Variants in FAM222B observed in about 807,000 individuals in gnomAD.
The protein encoded by FAM222B is protein FAM222B.
A neutral mutation model predicts 38.0 loss-of-function variants in FAM222B; 12 were observed. That is an observed-to-expected ratio of 0.32 (90% CI 0.20 to 0.51). The LOEUF is 0.51. FAM222B is among the 20% of genes least tolerant of loss of function. The pLI is 0.97. For synonymous variants in FAM222B, 329 were observed against 317.2 expected (o/e 1.04, Z -0.40); for missense variants, 716 against 754.2 (o/e 0.95, Z 0.59).
In FAM222B at chr17:28,758,189, T is replaced by C. The variant is rs1008155343; in HGVS notation, c.*81A>G. The C allele has an allele frequency of 5.7e-6, 7 of 1,229,640 alleles. No homozygotes were observed. In the South Asian group the frequency reaches 9.0e-5, roughly 16 times the overall value. 76.2% of individuals were successfully genotyped at this position (1,229,640 alleles called of 1,614,324 possible). On this transcript the variant is annotated 3_prime_UTR_variant, in exon 3 of 3. Transcript: ENST00000581407. ...ATGATCACACTGGAGCAGTGAAACT[T>C]TGAAACTATCCAGTTACTTAAAAGA... is the stretch of plus-strand genomic sequence containing the variant.
chr17:28,789,250 G>A (rs1395283416), intron 1 of FAM222B, among the ~76,000 whole-genome samples: 1 of 149,170 alleles, frequency 6.7e-6, no homozygotes, highest in Admixed American at 6.7e-5. Context: ...AGGCTGGAGT[G>A]TGCAGTGGCG....
rs184006345 is a variant in FAM222B, at chr17:28,806,009, G to C, written c.-41+36673C>G. Among the ~76,000 whole-genome samples the C allele has an allele frequency of 1.5e-3, 225 of 152,166 alleles. 1 individual carries two copies. Among genetic ancestry groups the C allele is most frequent in the Middle Eastern group, 6.8e-3 (2 of 294 alleles). ...ATACAAAATTAGCTGGGCACATGGT[G>C]CATGTGGTGGCACATTCCTATAATC... On this transcript the variant is annotated intron_variant, in intron 1 of 2. Transcript: ENST00000581407.
At chr17:28,764,608 C>T (rs947696789) in intron 2 of FAM222B, among the ~76,000 whole-genome samples, 1 of 151,478 alleles carries the variant, frequency 6.6e-6, no homozygotes, top group African/African-American at 2.4e-5. Context: ...ATTAGCTGGG[C>T]GTGGTGGTGC....
chr17:28,848,436 GA>G (rs1299501097), intron 1 of FAM222B, among the ~76,000 whole-genome samples: 4 of 151,986 alleles, frequency 2.6e-5, no homozygotes, highest in African/African-American at 9.7e-5. Context: ...ATTGGCAGGG[GA>G]AAAATCCACT....
intron 1 of FAM222B, among the ~76,000 whole-genome samples, chr17:28,791,803 G>A (rs2036702250): frequency 6.6e-6 from 1 of 151,042 alleles, no homozygotes; most frequent in Non-Finnish European, 1.5e-5. Flanking sequence ...GGGATTACAG[G>A]CACGTGTCAC....
intron 1 of FAM222B, among the ~76,000 whole-genome samples, chr17:28,819,686 A>G (rs2038146133): frequency 6.6e-6 from 1 of 152,228 alleles, no homozygotes; most frequent in Non-Finnish European, 1.5e-5. Context: ...TGAATATAAA[A>G]TGAACCTTTG....
At chr17:28,782,543 T>C (rs1410613801) in intron 1 of FAM222B, among the ~76,000 whole-genome samples, 1 of 152,212 alleles carries the variant, frequency 6.6e-6, no homozygotes, top group Non-Finnish European at 1.5e-5. Flanking sequence ...CCTCCTAATA[T>C]GTTAATATTG....
intron 1 of FAM222B, among the ~76,000 whole-genome samples, chr17:28,783,756 C>G (rs1202194023): frequency 6.6e-6 from 1 of 151,914 alleles, no homozygotes; most frequent in East Asian, 1.9e-4. Flanking sequence ...AATGATCCAC[C>G]TGCCTCGGCC....
chr17:28,763,480 G>A (rs1200939671), intron 2 of FAM222B, among the ~76,000 whole-genome samples: 1 of 152,212 alleles, frequency 6.6e-6, no homozygotes, highest in East Asian at 1.9e-4. Context: ...ATTCCAGGAT[G>A]GACTGGAGGC....
At chr17:28,788,541 A>C (rs1459776206) in intron 1 of FAM222B, among the ~76,000 whole-genome samples, 1 of 151,146 alleles carries the variant, frequency 6.6e-6, no homozygotes, top group Non-Finnish European at 1.5e-5. Context: ...GTCCGGCCTC[A>C]GTATTGTTAT....
rs34242589 is a variant in FAM222B at position 28,796,994 on chromosome 17, CTTTTTTTTT to C, written c.-40-30296_-40-30288del. Among the ~76,000 whole-genome samples, 22 of 81,606 alleles carry C rather than the reference CTTTTTTTTT, an allele frequency of 2.7e-4. 1 individual carries two copies. The highest frequency in any genetic ancestry group is 1.4e-3 in the Admixed American group (9 of 6,450). The allele number at this position is 81,606 out of a possible 152,430, so 53.5% of individuals were successfully genotyped here. A position where few individuals can be genotyped will look rare whatever the true frequency, so the allele number is the denominator to read the frequency against. On this transcript the variant is annotated intron_variant, in intron 1 of 2. Transcript: ENST00000581407. The stretch of plus-strand genomic sequence containing the variant: ...GTAGAAGCCAGTTAAGTGGCTATTG[CTTTTTTTTT>C]TTTTTTTTTTTTTTTTGAGACAAGG...
chr17:28,813,967 T>C (rs1219369931), intron 1 of FAM222B, among the ~76,000 whole-genome samples: 1 of 151,878 alleles, frequency 6.6e-6, no homozygotes, highest in Non-Finnish European at 1.5e-5. Context: ...CCCAGCACTT[T>C]GGGAGGCCAA....
At chr17:28,790,915 T>TTTAAA in intron 1 of FAM222B, among the ~76,000 whole-genome samples, 1 of 121,046 alleles carries the variant, frequency 8.3e-6, no homozygotes, top group Non-Finnish European at 1.7e-5. Flanking sequence ...TTTTTTTTTT[T>TTTAAA]AGAGACAGAA....
intron 1 of FAM222B, among the ~76,000 whole-genome samples, chr17:28,811,057 G>A (rs2037736549): frequency 7.0e-6 from 1 of 143,492 alleles, no homozygotes; most frequent in African/African-American, 2.5e-5. Context: ...TCAAAGTGTT[G>A]CCAAAAAAAA....
chr17:28,777,673 T>C (rs1567816954), intron 1 of FAM222B, among the ~76,000 whole-genome samples: 1 of 152,160 alleles, frequency 6.6e-6, no homozygotes, highest in Non-Finnish European at 1.5e-5. Flanking sequence ...GCTCCGAAAA[T>C]TTGTGGTACA....
intron 1 of FAM222B, among the ~76,000 whole-genome samples, chr17:28,809,334 C>A (rs2037634297): frequency 7.4e-6 from 1 of 135,824 alleles, no homozygotes. Context: ...GCCTGGGTGA[C>A]AGAGCGAGAC....
chr17:28,756,045 C>T lies in FAM222B; in HGVS notation c.*2225G>A, dbSNP rs2151745162. 6.5e-6 allele frequency: 1 copy of T among 152,708 alleles called. No homozygotes were observed. Among genetic ancestry groups the T allele is most frequent in the South Asian group, 2.1e-4 (1 of 4,824 alleles). 9.5% of individuals were successfully genotyped at this position (152,708 alleles called of 1,614,324 possible). ...ACCCCATCACACCCATAAACCACCA[C>T]AGGTGAGGTGAGAGAGATGGAGAAT... On this transcript the variant is annotated 3_prime_UTR_variant, in exon 3 of 3. Transcript: ENST00000581407.
At chr17:28,840,740 T>C (rs2039009178) in intron 1 of FAM222B, among the ~76,000 whole-genome samples, 1 of 151,922 alleles carries the variant, frequency 6.6e-6, no homozygotes, top group Non-Finnish European at 1.5e-5. Context: ...GCGGATCACC[T>C]GAGGTCAGAA....
chr17:28,828,881 A>T (rs1165613235), intron 1 of FAM222B, among the ~76,000 whole-genome samples: 1 of 148,720 alleles, frequency 6.7e-6, no homozygotes, highest in East Asian at 2.0e-4. Context: ...TCCTCATACT[A>T]CCTCTTTGCA....
Sources: gnomAD v4.1 joint callset for allele counts (sites outside exome capture counted in the v4.1 genomes callset) on GRCh38, gnomAD v4.1.1 for gene constraint, MANE v1.5 for transcripts, NCBI Gene and HGNC (gene_info 2026-07-23, HGNC 2026-07-21) for gene names.